Variants in NEBL observed in about 807,000 individuals in gnomAD.
The protein encoded by NEBL is LIM and SH3 protein 2.
Under a neutral mutation model 140.2 loss-of-function variants are expected in NEBL, and 122 were observed. That is an observed-to-expected ratio of 0.87 (90% CI 0.75 to 1.01). The LOEUF (loss-of-function observed/expected upper bound fraction) is 1.01. Ranked by LOEUF, NEBL falls within the 50% of genes least tolerant of loss-of-function variation. The probability of loss-of-function intolerance (pLI) is 0.00; values close to 1 mark genes in which losing one functional copy is unlikely to be tolerated. For missense variants in NEBL, 1,365 were observed against 1,231.3 expected, an observed-to-expected ratio of 1.11 and a Z score of -1.62; for synonymous variants, 436 against 398.9, an observed-to-expected ratio of 1.09 and a Z score of -1.11.
chr10:20,965,859 C>T (rs368478134), intron 3 of NEBL, among the ~76,000 whole-genome samples: 36 of 152,194 alleles, frequency 2.4e-4, no homozygotes, highest in African/African-American at 7.9e-4. Flanking sequence ...AGGGCCCTGG[C>T]GTCCCCGAAA....
chr10:21,290,588 CA>C (rs1843129040), intron 1 of NEBL, among the ~76,000 whole-genome samples: 3 of 152,284 alleles, frequency 2.0e-5, no homozygotes, highest in South Asian at 4.1e-4. Flanking sequence ...AATGTTCAGA[CA>C]AACTTTTCTT....
At chr10:21,150,990 A>G (rs1286305575) in intron 2 of NEBL, among the ~76,000 whole-genome samples, 3 of 152,218 alleles carry the variant, frequency 2.0e-5, no homozygotes, top group Admixed American at 6.5e-5. Flanking sequence ...AATGACCACC[A>G]CTCAGAAATA....
intron 13 of NEBL, among the ~76,000 whole-genome samples, chr10:20,837,179 C>A (rs1840982153): frequency 6.6e-6 from 1 of 151,896 alleles, no homozygotes; most frequent in African/African-American, 2.4e-5. Flanking sequence ...AACACAGGCC[C>A]AAAGCTAGGA....
intron 7 of NEBL, among the ~76,000 whole-genome samples, chr10:20,864,375 T>A (rs1298057261): frequency 6.6e-6 from 1 of 152,188 alleles, no homozygotes; most frequent in Non-Finnish European, 1.5e-5. Context: ...ATTGCAAATT[T>A]TAAAAAGGGA....
chr10:20,897,635 T>TA, upstream of NEBL: 1 of 732,200 alleles, frequency 1.4e-6, no homozygotes, highest in South Asian at 5.9e-5. Context: ...ATCTCAAAGA[T>TA]TCCTTGTCTC....
At position 20,851,895 on chromosome 10, in the gene NEBL, G is replaced by T. The variant is rs76227705; in HGVS notation, c.1008+650C>A. Among the ~76,000 whole-genome samples the T allele has an allele frequency of 2.2e-3, 341 of 152,122 alleles. 11 individuals carry two copies. The East Asian group carries it at 0.053, about 23-fold the overall frequency. ...TCGTATATTTTTAAAACCAATGAAG[G>T]TGAGTACGAAATTATTATGGACTTT... On this transcript the variant is annotated intron_variant, in intron 10 of 27. Transcript: ENST00000377122.
chr10:20,897,857 A>G (rs939648664), upstream of NEBL, among the ~76,000 whole-genome samples: 1 of 152,240 alleles, frequency 6.6e-6, no homozygotes. Flanking sequence ...CAAAGAATCT[A>G]TTCTGAGTTA....
chr10:20,787,101 A>C (rs1729763904), intron 27 of NEBL, 101 bp downstream of exon 27: 9 of 982,282 alleles, frequency 9.2e-6, no homozygotes, highest in Non-Finnish European at 1.4e-5. Context: ...CTTTAAATGA[A>C]AATACCCAAT....
At chr10:21,200,783 G>A (rs1336472255) in intron 3 of NEBL, among the ~76,000 whole-genome samples, 1 of 152,138 alleles carries the variant, frequency 6.6e-6, no homozygotes, top group Non-Finnish European at 1.5e-5. Context: ...TTGAATTTTG[G>A]TGACCTAAGG....
chr10:21,068,426 G>A (rs1309037093), intron 2 of NEBL, among the ~76,000 whole-genome samples: 1 of 152,184 alleles, frequency 6.6e-6, no homozygotes, highest in Non-Finnish European at 1.5e-5. Context: ...GGATGGCCGT[G>A]TGACTAGAAT....
intron 2 of NEBL, among the ~76,000 whole-genome samples, chr10:21,157,021 C>T (rs889319705): frequency 3.9e-5 from 6 of 152,138 alleles, no homozygotes; most frequent in African/African-American, 1.4e-4. Context: ...AACAATCTAT[C>T]AGAGAACAAT....
intron 3 of NEBL, among the ~76,000 whole-genome samples, chr10:21,183,462 AGG>A (rs1256209900): frequency 6.6e-6 from 1 of 152,124 alleles, no homozygotes; most frequent in East Asian, 1.9e-4. Context: ...AGAGAAAACA[AGG>A]AAAGGGCCCC....
chr10:21,120,374 C>CAAAAAAA (rs1157067083), intron 2 of NEBL, among the ~76,000 whole-genome samples: 1 of 48,400 alleles, frequency 2.1e-5, no homozygotes, highest in African/African-American at 9.2e-5. Context: ...GACTGTGTCT[C>CAAAAAAA]AAAAAAAAAA....
In NEBL at chr10:20,980,063, AAC is replaced by A. The variant is rs200485102; in HGVS notation, c.250-18286_250-18285del. ...TGTCTCATTTCCACAAAAAAAAAAA[AAC>A]AAACCATAAAATTCACCATGAGATG... On this transcript the variant is annotated intron_variant, in intron 3 of 6. Transcript: ENST00000417816. 0.028 allele frequency among the ~76,000 whole-genome samples: 3,887 copies of A among 140,970 alleles called. 345 individuals carry two copies. The East Asian group carries it at 0.35, about 13-fold the overall frequency. 92.5% of individuals were successfully genotyped at this position (140,970 alleles called of 152,430 possible). A position where few individuals can be genotyped will look rare whatever the true frequency, so the allele number is the denominator to read the frequency against.
intron 4 of NEBL, among the ~76,000 whole-genome samples, chr10:20,931,745 C>A (rs1278784489): frequency 6.6e-6 from 1 of 152,182 alleles, no homozygotes; most frequent in South Asian, 2.1e-4. Flanking sequence ...AACTTGAAAT[C>A]AAAACTCTTC....
intron 3 of NEBL, among the ~76,000 whole-genome samples, chr10:20,974,030 T>G (rs1482237598): frequency 6.6e-6 from 1 of 152,164 alleles, no homozygotes; most frequent in Non-Finnish European, 1.5e-5. Flanking sequence ...CATTGGGTAC[T>G]TTTATCACTT....
rs1388514344 is a variant in NEBL, at chr10:20,839,511, G to A, written c.1338+1228C>T. Among the ~76,000 whole-genome samples, 6 of 152,040 alleles carry A rather than the reference G, an allele frequency of 3.9e-5. No individual in the cohort carries two copies. The East Asian group carries it at 1.2e-3, about 29-fold the overall frequency. On this transcript the variant is annotated intron_variant, in intron 13 of 27. Transcript: ENST00000377122. Reference sequence around the variant, plus strand: ...TTCTCTCAATCCATACCCTTGGGAAGGATTGATTTCCATCACCTCCCTAGT... The same window carrying A: ...TTCTCTCAATCCATACCCTTGGGAAAGATTGATTTCCATCACCTCCCTAGT...
chr10:21,040,224 G>A (rs1834209070), intron 2 of NEBL, among the ~76,000 whole-genome samples: 1 of 152,140 alleles, frequency 6.6e-6, no homozygotes, highest in African/African-American at 2.4e-5. Context: ...AAATTAGCTG[G>A]GTATGGTGGC....
intron 1 of NEBL, among the ~76,000 whole-genome samples, chr10:21,285,142 T>G (rs942150117): frequency 6.6e-6 from 1 of 152,226 alleles, no homozygotes; most frequent in Non-Finnish European, 1.5e-5. Context: ...AAAGGACTAT[T>G]TTAATTTTCT....
Sources: allele counts gnomAD v4.1 joint callset (sites outside exome capture counted in the v4.1 genomes callset), GRCh38; gene constraint gnomAD v4.1.1; transcripts MANE v1.5; gene names NCBI Gene and HGNC (gene_info 2026-07-23, HGNC 2026-07-21).